LRMDA: variants seen among roughly 807,000 people sequenced by gnomAD.
LRMDA encodes leucine-rich melanocyte differentiation-associated protein.
In LRMDA, 18 loss-of-function variants were observed where a neutral mutation model predicts 29.8. That is an observed-to-expected ratio of 0.60 (90% CI 0.42 to 0.90). The LOEUF is 0.90. Among genes scored for constraint, LRMDA ranks in the 40% least tolerant of loss-of-function variants. LRMDA has a pLI of 0.00. For missense variants in LRMDA, 273 were observed against 273.9 expected (o/e 1.00, Z 0.02); for synonymous variants, 125 against 109.4 (o/e 1.14, Z -0.89).
intron 6 of LRMDA, among the ~76,000 whole-genome samples, chr10:76,337,319 C>A (rs569322077): frequency 2.2e-4 from 34 of 152,298 alleles, no homozygotes; most frequent in African/African-American, 8.2e-4. Flanking sequence ...AATAAAACCA[C>A]CACATGGTAT....
At chr10:76,197,816 A>T (rs575336720) in intron 5 of LRMDA, among the ~76,000 whole-genome samples, 2 of 152,116 alleles carry the variant, frequency 1.3e-5, no homozygotes, top group Admixed American at 1.3e-4. Context: ...GCTACTCGGG[A>T]GTCTGAGGCA....
chr10:76,482,923 AAT>A (rs75443246), intron 6 of LRMDA, among the ~76,000 whole-genome samples: 4,091 of 152,048 alleles, frequency 0.027, 138 homozygotes, highest in African/African-American at 0.072. Flanking sequence ...TTTTTGGCAT[AAT>A]GTTCCATATG....
intron 2 of LRMDA, among the ~76,000 whole-genome samples, chr10:75,523,917 G>T (rs1019383197): frequency 2.0e-5 from 3 of 152,112 alleles, no homozygotes; most frequent in Non-Finnish European, 4.4e-5. Context: ...ATCTGAAAAC[G>T]TGGAGTTGGA....
In LRMDA at chr10:75,864,778, T is replaced by C. The variant is rs79015741; in HGVS notation, c.132-171230T>C. The stretch of plus-strand genomic sequence containing the variant: ...CAGTTTTATCCTTTCTATATATTCA[T>C]TTTTGTTTTGAGGCTCTTTAGCAGA... On this transcript the variant is annotated intron_variant, in intron 2 of 6. Transcript: ENST00000611255. 9.9e-3 allele frequency among the ~76,000 whole-genome samples: 1,512 copies of C among 152,348 alleles called. 74 individuals are homozygous for C. In the East Asian group the frequency reaches 0.16, roughly 16 times the overall value.
intron 2 of LRMDA, among the ~76,000 whole-genome samples, chr10:75,913,097 C>T (rs1429810726): frequency 6.6e-6 from 1 of 152,098 alleles, no homozygotes; most frequent in African/African-American, 2.4e-5. Context: ...ACCTAAAAAA[C>T]TGCTAGTAGT....
At chr10:76,282,994 G>T (rs933105802) in intron 5 of LRMDA, among the ~76,000 whole-genome samples, 1 of 152,076 alleles carries the variant, frequency 6.6e-6, no homozygotes. Flanking sequence ...GAGAAAGAGG[G>T]GTCTTCATCA....
chr10:76,262,134 G>A (rs1839951155), intron 5 of LRMDA, among the ~76,000 whole-genome samples: 1 of 152,224 alleles, frequency 6.6e-6, no homozygotes, highest in East Asian at 1.9e-4. Context: ...AGCTACCCAG[G>A]AGGTGGAGGT....
chr10:76,025,569 A>T (rs996866494), intron 2 of LRMDA, among the ~76,000 whole-genome samples: 1 of 151,994 alleles, frequency 6.6e-6, no homozygotes. Context: ...GTATCCCCAG[A>T]TGCATGTGCT....
At chr10:76,440,458 GC>G (rs1240421407) in intron 6 of LRMDA, among the ~76,000 whole-genome samples, 1 of 152,152 alleles carries the variant, frequency 6.6e-6, no homozygotes, top group Non-Finnish European at 1.5e-5. Flanking sequence ...AATAAGGTCA[GC>G]CCTCTTTTAG....
At chr10:76,093,295 G>A (rs1564650912) in intron 5 of LRMDA, among the ~76,000 whole-genome samples, 1 of 151,100 alleles carries the variant, frequency 6.6e-6, no homozygotes, top group Non-Finnish European at 1.5e-5. Flanking sequence ...AAAGTGTTGG[G>A]ATTACAGGTG....
chr10:75,849,890 C>T (rs1039816841), intron 2 of LRMDA, among the ~76,000 whole-genome samples: 6 of 152,204 alleles, frequency 3.9e-5, no homozygotes, highest in African/African-American at 1.2e-4. Context: ...AGTTAGTTGT[C>T]TGCTGGGTCT....
chr10:76,428,707 G>C (rs1422966341), intron 6 of LRMDA, among the ~76,000 whole-genome samples: 1 of 152,162 alleles, frequency 6.6e-6, no homozygotes, highest in Non-Finnish European at 1.5e-5. Flanking sequence ...CTCACTAGCT[G>C]TGCATCTTAG....
At chr10:75,821,564 T>C (rs1486574535) in intron 2 of LRMDA, among the ~76,000 whole-genome samples, 2 of 151,970 alleles carry the variant, frequency 1.3e-5, no homozygotes, top group Admixed American at 6.5e-5. Context: ...GGTCAGGAGA[T>C]TGAGACCATC....
intron 2 of LRMDA, among the ~76,000 whole-genome samples, chr10:75,441,374 C>T (rs890337118): frequency 6.6e-6 from 1 of 152,194 alleles, no homozygotes; most frequent in Non-Finnish European, 1.5e-5. Flanking sequence ...TCTTGAGCAG[C>T]CTGCCTGGCC....
At chr10:75,991,871 A>G (rs1431556362) in intron 2 of LRMDA, among the ~76,000 whole-genome samples, 2 of 152,232 alleles carry the variant, frequency 1.3e-5, no homozygotes, top group Non-Finnish European at 2.9e-5. Context: ...CTAGGAGGAC[A>G]GCAGTCAGCT....
chr10:76,040,276 G>A (rs919922114), intron 3 of LRMDA, among the ~76,000 whole-genome samples: 2 of 152,280 alleles, frequency 1.3e-5, no homozygotes, highest in African/African-American at 4.8e-5. Context: ...TCTTAAAAGG[G>A]ATTCCAGAGC....
chr10:75,458,091 G>A (rs1490998415), intron 2 of LRMDA, among the ~76,000 whole-genome samples: 3 of 152,056 alleles, frequency 2.0e-5, no homozygotes, highest in African/African-American at 7.2e-5. Context: ...ATATTGAGTA[G>A]GTCATTTAAT....
intron 5 of LRMDA, among the ~76,000 whole-genome samples, chr10:76,173,838 T>C (rs1434088996): frequency 6.6e-6 from 1 of 152,122 alleles, no homozygotes; most frequent in Non-Finnish European, 1.5e-5. Context: ...CTTTTTGGAT[T>C]TTTAGTGGAG....
intron 2 of LRMDA, among the ~76,000 whole-genome samples, chr10:75,735,078 C>T (rs1386873369): frequency 6.6e-6 from 1 of 152,220 alleles, no homozygotes; most frequent in Non-Finnish European, 1.5e-5. Context: ...GAGCAGTAAT[C>T]TTTGTCCTCC....
Sources: gnomAD v4.1 joint callset for allele counts (sites outside exome capture counted in the v4.1 genomes callset) on GRCh38, gnomAD v4.1.1 for gene constraint, MANE v1.5 for transcripts, NCBI Gene and HGNC (gene_info 2026-07-23, HGNC 2026-07-21) for gene names.